Variants in RANBP2 observed in about 807,000 individuals in gnomAD.
RANBP2 encodes the protein E3 SUMO-protein ligase RanBP2.
Under a neutral mutation model 303.6 loss-of-function variants are expected in RANBP2, and 57 were observed. The observed-to-expected ratio is 0.19, with a 90% CI of 0.15 to 0.23. The LOEUF is 0.23. Among genes scored for constraint, RANBP2 ranks in the 10% least tolerant of loss-of-function variants. The probability of loss-of-function intolerance (pLI) is 1.00; values close to 1 mark genes in which losing one functional copy is unlikely to be tolerated. For synonymous variants in RANBP2, 1,167 were observed against 1,301.5 expected (o/e 0.90, Z 2.23); for missense variants, 3,138 against 3,780.8 (o/e 0.83, Z 4.46).
rs749602189 is a variant in RANBP2, at chr2:108,782,765, G to A, written c.9272G>A (p.Arg3091Gln). The change falls in exon 28 of 29, where the codon CGG becomes CAG. Residue 3091 changes from arginine (R) to glutamine (Q), a missense_variant. Around this residue, in one of 20 missense-constraint regions of RANBP2, gnomAD observed 204 missense variants for 228.4 expected, o/e 0.89. Transcript: ENST00000283195. ...TMELFSNIVPRTAENFRALCT... is the reference protein window; with the variant it reads ...TMELFSNIVPQTAENFRALCT... ...GAATTATTTTCAAACATTGTTCCTC[G>A]GACTGCTGAGAACTTCAGAGCACTA... The A allele has an allele frequency of 5.0e-6, 8 of 1,613,980 alleles. No homozygotes were observed. The highest frequency in any genetic ancestry group is 1.7e-5 in the Admixed American group (1 of 59,996).
At chr2:109,314,242 C>G in the RANBP2 span, among the ~76,000 whole-genome samples, 1 of 152,168 alleles carries the variant, frequency 6.6e-6, no homozygotes, top group African/African-American at 2.4e-5. Flanking sequence ...TTAATGCTGC[C>G]TGCTTGAGAA....
chr2:108,821,623 C>CA, the RANBP2 span, among the ~76,000 whole-genome samples: 403 of 152,074 alleles, frequency 2.7e-3, no homozygotes, highest in African/African-American at 9.0e-3. Flanking sequence ...ACAAAACATA[C>CA]AGAAAAAAAT....
the RANBP2 span, among the ~76,000 whole-genome samples, chr2:108,929,672 T>C: frequency 6.6e-6 from 1 of 152,162 alleles, no homozygotes; most frequent in Non-Finnish European, 1.5e-5. Context: ...GCACTTGGCA[T>C]CTGACTTTCC....
chr2:108,847,087 T>C, the RANBP2 span, among the ~76,000 whole-genome samples: 1 of 152,376 alleles, frequency 6.6e-6, no homozygotes, highest in African/African-American at 2.4e-5. Flanking sequence ...TTTTATTTGC[T>C]GAATTTGAGA....
the RANBP2 span, among the ~76,000 whole-genome samples, chr2:109,315,284 A>G: frequency 2.0e-5 from 3 of 152,218 alleles, no homozygotes; most frequent in South Asian, 6.2e-4. Flanking sequence ...AACACCCAGC[A>G]ATTTAATAGG....
chr2:109,019,451 T>C, the RANBP2 span, among the ~76,000 whole-genome samples: 1 of 152,180 alleles, frequency 6.6e-6, no homozygotes, highest in South Asian at 2.1e-4. Flanking sequence ...AAAGTGCCAC[T>C]GAACATTCTG....
chr2:109,401,859 TC>T, the RANBP2 span, among the ~76,000 whole-genome samples: 2 of 152,232 alleles, frequency 1.3e-5, no homozygotes, highest in Non-Finnish European at 2.9e-5. Context: ...AACAGATGTT[TC>T]TATTAATTTG....
chr2:109,368,054 G>T, the RANBP2 span, among the ~76,000 whole-genome samples: 6 of 152,230 alleles, frequency 3.9e-5, 1 homozygote, highest in Admixed American at 3.9e-4. Context: ...TATTAGCCAG[G>T]TATGCCATTT....
chr2:108,738,934 A>G (rs1321142863), intron 6 of RANBP2, among the ~76,000 whole-genome samples: 1 of 152,108 alleles, frequency 6.6e-6, no homozygotes, highest in Non-Finnish European at 1.5e-5. Context: ...AGGGCCAATA[A>G]TAGCATTTTT....
the RANBP2 span, chr2:109,491,081 G>C: frequency 2.9e-5 from 21 of 727,276 alleles, no homozygotes; most frequent in African/African-American, 3.4e-4. Flanking sequence ...ACATGGTCCC[G>C]AGCTTGGGTG....
chr2:108,719,534 C>A lies in RANBP2; in HGVS notation c.-73C>A. The stretch of plus-strand genomic sequence containing the variant: ...TGCGTCACTGGTTTGCAGGCGCTTT[C>A]CTCTTGGAAGTGGCGACTGCTGCGG... On this transcript the variant is annotated 5_prime_UTR_variant, in exon 1 of 29. Transcript: ENST00000283195. 6.4e-7 allele frequency: 1 copy of A among 1,555,550 alleles called. No homozygotes were observed.
At chr2:109,449,411 A>T in the RANBP2 span, 8 of 1,613,594 alleles carry the variant, frequency 5.0e-6, no homozygotes, top group African/African-American at 4.0e-5. Context: ...GGGAGGCTGG[A>T]GGGGGGCCCA....
chr2:108,940,503 G>A, the RANBP2 span, among the ~76,000 whole-genome samples: 4 of 152,378 alleles, frequency 2.6e-5, no homozygotes, highest in East Asian at 3.9e-4. Flanking sequence ...ATCTCAGTGC[G>A]TGGCCCATGT....
chr2:109,217,706 G>T, the RANBP2 span, among the ~76,000 whole-genome samples: 1 of 152,168 alleles, frequency 6.6e-6, no homozygotes, highest in African/African-American at 2.4e-5. Context: ...GACCTTTTTG[G>T]GGGAGGGTGG....
At chr2:109,245,667 A>G in the RANBP2 span, among the ~76,000 whole-genome samples, 2 of 152,220 alleles carry the variant, frequency 1.3e-5, no homozygotes, top group Non-Finnish European at 2.9e-5. Flanking sequence ...CCTTGAACTG[A>G]GACCATATTT....
At chr2:108,797,954 G>A in the RANBP2 span, among the ~76,000 whole-genome samples, 4 of 119,676 alleles carry the variant, frequency 3.3e-5, no homozygotes, top group Non-Finnish European at 6.9e-5. Flanking sequence ...CACTTTTCAC[G>A]GTGTGTGATT....
the RANBP2 span, among the ~76,000 whole-genome samples, chr2:109,699,505 T>C: frequency 6.6e-6 from 1 of 152,238 alleles, no homozygotes; most frequent in Non-Finnish European, 1.5e-5. Flanking sequence ...ATGTGTTTTA[T>C]ACTGTAGTCT....
chr2:108,899,765 C>A, the RANBP2 span, among the ~76,000 whole-genome samples: 1 of 152,108 alleles, frequency 6.6e-6, no homozygotes, highest in East Asian at 1.9e-4. Context: ...GTGGGCAGAT[C>A]ACCTGAGGTC....
the RANBP2 span, chr2:109,501,835 G>T: frequency 3.4e-6 from 2 of 587,996 alleles, no homozygotes; most frequent in East Asian, 5.5e-5. Flanking sequence ...TGTGGAGGTC[G>T]TGCCTTCTCC....
Sources: gnomAD v4.1 joint callset for allele counts (sites outside exome capture counted in the v4.1 genomes callset) on GRCh38, gnomAD v4.1.1 for gene constraint, gnomAD v4.1.1 regional missense constraint, MANE v1.5 for transcripts, NCBI Gene and HGNC (gene_info 2026-07-23, HGNC 2026-07-21) for gene names.